The following ANKS1B variants were observed in gnomAD, a reference collection of about 807,000 sequenced individuals.
ANKS1B encodes ankyrin repeat and sterile alpha motif domain containing 1B.
In ANKS1B, 36 loss-of-function variants were observed where a neutral mutation model predicts 148.3. That is an observed-to-expected ratio of 0.24 (90% CI 0.19 to 0.32). The LOEUF is 0.32. Ranked by LOEUF, ANKS1B falls within the 10% of genes least tolerant of loss-of-function variation. The pLI is 1.00. For synonymous variants in ANKS1B, 542 were observed against 560.8 expected (o/e 0.97, Z 0.47); for missense variants, 1,157 against 1,542.6 (o/e 0.75, Z 4.19).
At chr12:99,723,311 C>A (rs901961629) in intron 8 of ANKS1B, among the ~76,000 whole-genome samples, 11 of 152,200 alleles carry the variant, frequency 7.2e-5, no homozygotes, top group Admixed American at 3.3e-4. Context: ...CACTTTTCCC[C>A]TGCTGGAGCC....
intron 10 of ANKS1B, among the ~76,000 whole-genome samples, chr12:99,492,705 T>C (rs2096566754): frequency 6.6e-6 from 1 of 152,086 alleles, no homozygotes; most frequent in Admixed American, 6.5e-5. Flanking sequence ...TCCACCACAA[T>C]CAATTAAGCT....
intron 14 of ANKS1B, among the ~76,000 whole-genome samples, chr12:99,195,508 G>T (rs895952725): frequency 3.9e-5 from 6 of 152,014 alleles, no homozygotes; most frequent in African/African-American, 1.4e-4. Context: ...GACTATAAAA[G>T]TTACTTAAGA....
chr12:99,967,918 A>AAAAAAG (rs1258882098), intron 1 of ANKS1B, among the ~76,000 whole-genome samples: 2 of 151,720 alleles, frequency 1.3e-5, no homozygotes, highest in African/African-American at 2.4e-5. Flanking sequence ...AAAAAAAAAA[A>AAAAAAG]AAAAAGAAAA....
At chr12:98,909,663 T>A (rs1440036582) in intron 17 of ANKS1B, among the ~76,000 whole-genome samples, 3 of 152,212 alleles carry the variant, frequency 2.0e-5, no homozygotes, top group Non-Finnish European at 4.4e-5. Flanking sequence ...GAAAAAAATA[T>A]ATAGCATAAC....
intron 8 of ANKS1B, among the ~76,000 whole-genome samples, chr12:99,682,901 T>C (rs1599601488): frequency 6.6e-6 from 1 of 152,176 alleles, no homozygotes; most frequent in East Asian, 1.9e-4. Context: ...GATAAAGACA[T>C]ACCCGAGAAT....
At chr12:99,627,665 A>G in intron 9 of ANKS1B, among the ~76,000 whole-genome samples, 1 of 152,206 alleles carries the variant, frequency 6.6e-6, no homozygotes, top group South Asian at 2.1e-4. Flanking sequence ...GCGGCATGCA[A>G]TGCACACAGC....
intron 9 of ANKS1B, among the ~76,000 whole-genome samples, chr12:99,541,912 G>A (rs1295388836): frequency 6.6e-6 from 1 of 151,766 alleles, no homozygotes; most frequent in Admixed American, 6.6e-5. Context: ...TAGAAAGAAT[G>A]AGAATTCTCT....
In ANKS1B at chr12:99,663,629, T is replaced by C. The variant is rs369386245; in HGVS notation, c.1129-8419A>G. 5.3e-5 allele frequency among the ~76,000 whole-genome samples: 8 copies of C among 152,050 alleles called. No homozygotes were observed. In the East Asian group the frequency reaches 9.6e-4, roughly 18 times the overall value. ...GAAGAAAAACAAGTCTTGATGCCAATGAGTACACTGAGTACATCTCCTAGT... is the reference window on the plus strand; with the variant it reads ...GAAGAAAAACAAGTCTTGATGCCAACGAGTACACTGAGTACATCTCCTAGT... On this transcript the variant is annotated intron_variant, in intron 8 of 26. Transcript: ENST00000683438.
rs183126699 is a variant in ANKS1B, at chr12:99,895,822, T to C, written c.135-70433A>G. Among the ~76,000 whole-genome samples the C allele has an allele frequency of 1.1e-3, 162 of 151,354 alleles. 8 individuals are homozygous for C. Among genetic ancestry groups the C allele is most frequent in the Non-Finnish European group, 1.9e-3 (126 of 67,550 alleles). Reference sequence around the variant, plus strand: ...TCGGTTCTGGAAAATACTCCTGAGATTGATGAATAGAAAAGAAACAAGAGC... The same window carrying C: ...TCGGTTCTGGAAAATACTCCTGAGACTGATGAATAGAAAAGAAACAAGAGC... On this transcript the variant is annotated intron_variant, in intron 1 of 26. Transcript: ENST00000683438.
At chr12:98,960,255 C>T (rs1048312076) in intron 17 of ANKS1B, among the ~76,000 whole-genome samples, 9 of 152,092 alleles carry the variant, frequency 5.9e-5, no homozygotes, top group Admixed American at 1.3e-4. Context: ...TGTGTGATCC[C>T]ACCCACAGTT....
chr12:99,294,503 T>G (rs143441396), intron 12 of ANKS1B, among the ~76,000 whole-genome samples: 4 of 152,008 alleles, frequency 2.6e-5, no homozygotes, highest in African/African-American at 9.7e-5. Flanking sequence ...AGACAGAGAA[T>G]AGAATGATGG....
intron 11 of ANKS1B, among the ~76,000 whole-genome samples, chr12:99,412,955 G>A (rs1254091005): frequency 6.6e-6 from 1 of 152,184 alleles, no homozygotes; most frequent in East Asian, 1.9e-4. Flanking sequence ...TGGTTGTTAT[G>A]AATATGATGT....
rs377258598 is a variant in ANKS1B, at chr12:99,069,965, G to C, written c.2625+14960C>G. Among the ~76,000 whole-genome samples, 27 of 152,296 alleles carry C rather than the reference G, an allele frequency of 1.8e-4. No homozygotes were observed. In the East Asian group the frequency reaches 3.7e-3, roughly 21 times the overall value. ...GACACTTACTAGTGGTGTGACCTCA[G>C]GCAAGTTACTTAACTTCTTTGAGCT... is the stretch of plus-strand genomic sequence containing the variant. On this transcript the variant is annotated intron_variant, in intron 16 of 26. Transcript: ENST00000683438.
chr12:99,960,881 A>G lies in ANKS1B; in HGVS notation c.134+23223T>C, dbSNP rs2095401456. ...CAGTTACAGCATTGCTATTAACACA[A>G]TTGTCACTTTGGATAAGGTGTCCAA... On this transcript the variant is annotated intron_variant, in intron 1 of 26. Transcript: ENST00000683438. 2.6e-5 allele frequency among the ~76,000 whole-genome samples: 4 copies of G among 152,080 alleles called. No homozygotes were observed. In the South Asian group the frequency reaches 8.3e-4, roughly 32 times the overall value.
At chr12:99,534,108 T>C (rs1271408382) in intron 9 of ANKS1B, among the ~76,000 whole-genome samples, 1 of 152,090 alleles carries the variant, frequency 6.6e-6, no homozygotes, top group African/African-American at 2.4e-5. Flanking sequence ...CCTTGAAAAA[T>C]CTGGAACAAC....
At chr12:99,755,071 TA>T (rs59946297) in intron 8 of ANKS1B, among the ~76,000 whole-genome samples, 66 of 149,430 alleles carry the variant, frequency 4.4e-4, no homozygotes, top group Middle Eastern at 3.4e-3. Flanking sequence ...AGCTGCTTTT[TA>T]AAAAAAAAAA....
chr12:99,652,824 A>G (rs1009074087), intron 9 of ANKS1B, among the ~76,000 whole-genome samples: 5 of 152,196 alleles, frequency 3.3e-5, no homozygotes, highest in African/African-American at 9.6e-5. Flanking sequence ...AATATGAGTT[A>G]TTGTTCAATG....
At chr12:99,660,125 T>C (rs1048869740) in intron 8 of ANKS1B, among the ~76,000 whole-genome samples, 1 of 152,184 alleles carries the variant, frequency 6.6e-6, no homozygotes, top group South Asian at 2.1e-4. Flanking sequence ...AATTGCTTTA[T>C]AGATTTTTCA....
intron 9 of ANKS1B, among the ~76,000 whole-genome samples, chr12:99,520,941 G>T (rs1340928263): frequency 6.6e-6 from 1 of 151,988 alleles, no homozygotes; most frequent in Admixed American, 6.6e-5. Flanking sequence ...GATTACAGGT[G>T]CCCACCACCA....
Sources: gnomAD v4.1 joint callset for allele counts (sites outside exome capture counted in the v4.1 genomes callset) on GRCh38, gnomAD v4.1.1 for gene constraint, MANE v1.5 for transcripts, NCBI Gene and HGNC (gene_info 2026-07-23, HGNC 2026-07-21) for gene names.